The following RPAP2 variants were observed in gnomAD, a reference collection of about 807,000 sequenced individuals.
RPAP2 encodes the protein putative RNA polymerase II subunit B1 CTD phosphatase RPAP2.
Under a neutral mutation model 73.1 loss-of-function variants are expected in RPAP2, and 52 were observed. That is an observed-to-expected ratio of 0.71 (90% CI 0.57 to 0.90). RPAP2 has a LOEUF of 0.90. Among genes scored for constraint, RPAP2 ranks in the 40% least tolerant of loss-of-function variants. The probability of loss-of-function intolerance (pLI) is 0.00; values close to 1 mark genes in which losing one functional copy is unlikely to be tolerated. For missense variants in RPAP2, 598 were observed against 701.8 expected, an observed-to-expected ratio of 0.85 and a Z score of 1.67; for synonymous variants, 225 against 242.1, an observed-to-expected ratio of 0.93 and a Z score of 0.65.
intron 5 of RPAP2, among the ~76,000 whole-genome samples, chr1:92,305,964 G>A (rs923825533): frequency 2.6e-5 from 4 of 152,006 alleles, no homozygotes; most frequent in Non-Finnish European, 2.9e-5. Context: ...TCTTACACAT[G>A]TACACCAGCA....
In RPAP2 at chr1:92,304,293, C is replaced by A. The variant is rs762878293; in HGVS notation, c.343C>A (p.Gln115Lys). The A allele has an allele frequency of 1.3e-6, 2 of 1,481,516 alleles. No homozygotes were observed. Among genetic ancestry groups the A allele is most frequent in the Admixed American group, 1.8e-5 (1 of 54,758 alleles). 91.8% of individuals were successfully genotyped at this position (1,481,516 alleles called of 1,614,324 possible). The stretch of plus-strand genomic sequence containing the variant: ...ACTTTCTTTTCTTTAGGTACCAAAA[C>A]AGAAATATAAAATTTCTACCAAAAC... Reference protein sequence around the residue: ...CQKKLGIVPKQKYKISTKTNK... With the variant: ...CQKKLGIVPKKKYKISTKTNK... The change falls in exon 5 of 13, where the codon CAG becomes AAG. Residue 115 changes from glutamine (Q) to lysine (K), a missense_variant. Physicochemically the swap from Gln to Lys is moderately conservative, Grantham distance 53. Transcript: ENST00000610020.
rs994445113 is a variant in RPAP2, at chr1:92,396,657, T to A, written c.*9646T>A. On this transcript the variant is annotated 3_prime_UTR_variant, in exon 13 of 13. Transcript: ENST00000610020. ...TTATGTGTGTGTGTGTGTGTGTGTG[T>A]GAGATGGAGTTTCACTCTTGTTGCC... The A allele has an allele frequency of 1.1e-4, 17 of 151,130 alleles. No homozygotes were observed. Among genetic ancestry groups the A allele is most frequent in the African/African-American group, 1.2e-4 (5 of 41,228 alleles). The allele number at this position is 151,130 out of a possible 1,614,324, so 9.4% of individuals were successfully genotyped here. A position where few individuals can be genotyped will look rare whatever the true frequency, so the allele number is the denominator to read the frequency against.
At position 92,371,304 on chromosome 1, in the gene RPAP2, C is replaced by CA. The variant is rs1304166097; in HGVS notation, c.1689-9404dup. ...TGGGCAATAGAGTGAGTCTCTGTCT[C>CA]AAAAAAAAAAAAAAAATATATATAT... On this transcript the variant is annotated intron_variant, in intron 11 of 12. Coordinates refer to ENST00000610020, the MANE Select transcript of RPAP2 (RefSeq NM_024813.3). Among the ~76,000 whole-genome samples, 366 of 90,502 alleles carry CA rather than the reference C, an allele frequency of 4.0e-3. 1 individual carries two copies. Among genetic ancestry groups the CA allele is most frequent in the Non-Finnish European group, 4.9e-3 (241 of 49,324 alleles). 59.4% of individuals were successfully genotyped at this position (90,502 alleles called of 152,430 possible).
chr1:92,328,575 A>G (rs1364680112), intron 8 of RPAP2, among the ~76,000 whole-genome samples: 4 of 152,128 alleles, frequency 2.6e-5, no homozygotes, highest in African/African-American at 9.7e-5. Flanking sequence ...GATTTCTTTA[A>G]GTTGGGCCTC....
chr1:92,377,957 G>A (rs2101441075), intron 11 of RPAP2, among the ~76,000 whole-genome samples: 1 of 152,260 alleles, frequency 6.6e-6, no homozygotes, highest in Admixed American at 6.5e-5. Flanking sequence ...CTGTTTCTCT[G>A]TAATAACTCT....
At chr1:92,322,686 C>T (rs1015355425) in intron 7 of RPAP2, among the ~76,000 whole-genome samples, 35 of 151,714 alleles carry the variant, frequency 2.3e-4, no homozygotes, top group African/African-American at 8.2e-4. Flanking sequence ...ACCAGCCTGG[C>T]CAACATGGCA....
At chr1:92,308,670 A>AG (rs1651391092) in intron 6 of RPAP2, among the ~76,000 whole-genome samples, 1 of 152,222 alleles carries the variant, frequency 6.6e-6, no homozygotes, top group African/African-American at 2.4e-5. Flanking sequence ...ATTTAAAACA[A>AG]ATCTTCCAGC....
rs1655931468 is a variant in RPAP2, at chr1:92,388,176, AC to A, written c.*1167del. On this transcript the variant is annotated 3_prime_UTR_variant, in exon 13 of 13. Transcript: ENST00000610020. The stretch of plus-strand genomic sequence containing the variant: ...TAAAGAAAATTGTGTTCACAATATC[AC>A]CAAAGAGAATTAAATACTTAGGAAT... 6.6e-6 allele frequency: 1 copy of A among 152,360 alleles called. No individual in the cohort carries two copies. Among genetic ancestry groups the A allele is most frequent in the East Asian group, 1.9e-4 (1 of 5,188 alleles). 9.4% of individuals were successfully genotyped at this position (152,360 alleles called of 1,614,324 possible). A position where few individuals can be genotyped will look rare whatever the true frequency, so the allele number is the denominator to read the frequency against.
intron 11 of RPAP2, among the ~76,000 whole-genome samples, chr1:92,364,658 T>C (rs114297139): frequency 0.017 from 2,606 of 152,294 alleles, 31 homozygotes; most frequent in Non-Finnish European, 0.027. Context: ...ATCTCTCATA[T>C]CTAATCAATT....
At chr1:92,353,138 CAG>C (rs1214805662) in intron 11 of RPAP2, among the ~76,000 whole-genome samples, 1 of 152,126 alleles carries the variant, frequency 6.6e-6, no homozygotes, top group African/African-American at 2.4e-5. Flanking sequence ...TAATGGATAA[CAG>C]TGCTATAAAC....
intron 10 of RPAP2, among the ~76,000 whole-genome samples, chr1:92,337,198 A>G (rs1046357416): frequency 6.6e-6 from 1 of 152,080 alleles, no homozygotes; most frequent in African/African-American, 2.4e-5. Context: ...GAAATTTATC[A>G]TATATATTTA....
intron 9 of RPAP2, among the ~76,000 whole-genome samples, chr1:92,333,958 G>A (rs920624487): frequency 2.0e-5 from 3 of 152,128 alleles, no homozygotes; most frequent in South Asian, 2.1e-4. Context: ...TAAACTTCCC[G>A]TGGTGGAAAT....
chr1:92,380,454 C>T (rs1401679423), intron 11 of RPAP2, among the ~76,000 whole-genome samples: 1 of 152,136 alleles, frequency 6.6e-6, no homozygotes, highest in Admixed American at 6.5e-5. Context: ...ATTTTCTGAG[C>T]AGAATTTTAG....
chr1:92,378,611 T>C (rs1655490288), intron 11 of RPAP2, among the ~76,000 whole-genome samples: 1 of 152,210 alleles, frequency 6.6e-6, no homozygotes, highest in Admixed American at 6.5e-5. Flanking sequence ...GCCAGTGTTA[T>C]CCCATCCCTT....
intron 11 of RPAP2, chr1:92,363,686 C>A: frequency 3.3e-6 from 1 of 298,888 alleles, no homozygotes; most frequent in Non-Finnish European, 6.5e-6. Flanking sequence ...ACCAACCCCA[C>A]TTCTCTTTCT....
intron 11 of RPAP2, among the ~76,000 whole-genome samples, chr1:92,354,320 T>C (rs1214757065): frequency 3.9e-5 from 6 of 152,166 alleles, no homozygotes; most frequent in Non-Finnish European, 8.8e-5. Flanking sequence ...TCTTAGAGTA[T>C]TGAAAAAAAG....
At chr1:92,311,510 G>A (rs1651594481) in intron 6 of RPAP2, among the ~76,000 whole-genome samples, 2 of 152,314 alleles carry the variant, frequency 1.3e-5, no homozygotes, top group South Asian at 4.1e-4. Flanking sequence ...GTAGATCAAA[G>A]CTTTTAAATT....
chr1:92,305,168 C>T (rs1053909009), intron 5 of RPAP2, among the ~76,000 whole-genome samples: 21 of 151,754 alleles, frequency 1.4e-4, no homozygotes, highest in African/African-American at 4.8e-4. Flanking sequence ...CGCCCTGGCT[C>T]AAGCCTGTAA....
chr1:92,306,406 G>A (rs1379010165), intron 5 of RPAP2, among the ~76,000 whole-genome samples: 3 of 151,950 alleles, frequency 2.0e-5, no homozygotes, highest in Non-Finnish European at 2.9e-5. Context: ...TTTTTTAATT[G>A]TAAAAAAAAG....
Sources: gnomAD v4.1 joint callset for allele counts (sites outside exome capture counted in the v4.1 genomes callset) on GRCh38, gnomAD v4.1.1 for gene constraint, MANE v1.5 for transcripts, NCBI Gene and HGNC (gene_info 2026-07-23, HGNC 2026-07-21) for gene names.